Variants in WWOX observed in about 807,000 individuals in gnomAD.
WWOX encodes WW domain containing oxidoreductase, also known as WW domain-containing oxidoreductase.
A neutral mutation model predicts 46.2 loss-of-function variants in WWOX; 69 were observed. The observed-to-expected ratio is 1.49, with a 90% CI of 1.23 to 1.82. WWOX has a LOEUF of 1.82. Among genes scored for constraint, WWOX ranks in the 40% most tolerant of loss-of-function variants. WWOX has a pLI of 0.00. For missense variants in WWOX, 919 were observed against 542.6 expected (o/e 1.69, Z -6.89); for synonymous variants, 359 against 202.6 (o/e 1.77, Z -6.56).
At chr16:78,396,072 C>T (rs1381993808) in intron 6 of WWOX, among the ~76,000 whole-genome samples, 2 of 152,096 alleles carry the variant, frequency 1.3e-5, no homozygotes, top group Non-Finnish European at 2.9e-5. Flanking sequence ...TTTTTTTGCC[C>T]TCACCTCATC....
At chr16:78,621,592 C>CT (rs34182797) in intron 8 of WWOX, among the ~76,000 whole-genome samples, 914 of 31,484 alleles carry the variant, frequency 0.029, 286 homozygotes, top group African/African-American at 0.054. Flanking sequence ...TTGTTCTAAT[C>CT]TTTTTTTTTT....
intron 6 of WWOX, among the ~76,000 whole-genome samples, chr16:78,411,265 A>G (rs1221976786): frequency 6.6e-6 from 1 of 152,196 alleles, no homozygotes; most frequent in Non-Finnish European, 1.5e-5. Flanking sequence ...GATCCATGTT[A>G]TTCTATCCAT....
intron 8 of WWOX, among the ~76,000 whole-genome samples, chr16:78,629,588 A>G (rs972566429): frequency 2.6e-5 from 4 of 152,094 alleles, no homozygotes; most frequent in East Asian, 1.9e-4. Context: ...ACCCCTGCCA[A>G]CCTCTGCAGC....
intron 5 of WWOX, among the ~76,000 whole-genome samples, chr16:78,256,388 C>A (rs1039156483): frequency 1.2e-4 from 18 of 151,958 alleles, no homozygotes; most frequent in Admixed American, 1.0e-3. Flanking sequence ...CTCTCTGACC[C>A]TACCTTCCAG....
intron 8 of WWOX, among the ~76,000 whole-genome samples, chr16:78,850,058 G>A (rs977784355): frequency 1.3e-5 from 2 of 151,508 alleles, no homozygotes; most frequent in African/African-American, 4.9e-5. Flanking sequence ...GGCAACAAGA[G>A]CGAAATTCCT....
At chr16:78,228,096 T>G (rs2037128029) in intron 5 of WWOX, among the ~76,000 whole-genome samples, 1 of 152,084 alleles carries the variant, frequency 6.6e-6, no homozygotes, top group Non-Finnish European at 1.5e-5. Context: ...GTTGGCTTTG[T>G]CACAAATGCC....
chr16:78,387,345 C>T (rs1224819611), intron 6 of WWOX, among the ~76,000 whole-genome samples: 1 of 152,160 alleles, frequency 6.6e-6, no homozygotes, highest in Admixed American at 6.5e-5. Flanking sequence ...GGGAGGTTGA[C>T]AATCCAAGCA....
At chr16:79,050,182 T>C (rs867437328) in intron 8 of WWOX, among the ~76,000 whole-genome samples, 1 of 152,206 alleles carries the variant, frequency 6.6e-6, no homozygotes, top group South Asian at 2.1e-4. Flanking sequence ...TCAGCAGAAC[T>C]AGGCTGGGCT....
At chr16:78,378,743 G>A (rs1344308820) in intron 5 of WWOX, among the ~76,000 whole-genome samples, 1 of 152,148 alleles carries the variant, frequency 6.6e-6, no homozygotes, top group African/African-American at 2.4e-5. Context: ...AGGCCCATTG[G>A]ATTAGAATTT....
At chr16:78,352,310 AC>A (rs1287364472) in intron 5 of WWOX, among the ~76,000 whole-genome samples, 3 of 152,220 alleles carry the variant, frequency 2.0e-5, no homozygotes, top group Non-Finnish European at 2.9e-5. Context: ...TTAGAACCAC[AC>A]AAAAGTTACA....
intron 8 of WWOX, among the ~76,000 whole-genome samples, chr16:78,645,180 A>G (rs1420951277): frequency 1.3e-5 from 2 of 152,066 alleles, no homozygotes; most frequent in Admixed American, 6.6e-5. Context: ...GGTTTTTTCC[A>G]TGTACTGGTT....
rs1020226688 is a variant in WWOX at position 78,863,437 on chromosome 16, T to G, written c.1057-348171T>G. Reference sequence around the variant, plus strand: ...TCTGAAATAATATGCAGCATTATATTCCATTTGTACCTGGGAAGAGGGTAC... The same window carrying G: ...TCTGAAATAATATGCAGCATTATATGCCATTTGTACCTGGGAAGAGGGTAC... On this transcript the variant is annotated intron_variant, in intron 8 of 8. Transcript: ENST00000566780. Among the ~76,000 whole-genome samples, 7 of 152,200 alleles carry G rather than the reference T, an allele frequency of 4.6e-5. No homozygotes were observed. In the East Asian group the frequency reaches 1.2e-3, roughly 25 times the overall value.
At chr16:78,806,819 A>G (rs1184183523) in intron 8 of WWOX, among the ~76,000 whole-genome samples, 1 of 152,192 alleles carries the variant, frequency 6.6e-6, no homozygotes, top group Non-Finnish European at 1.5e-5. Flanking sequence ...GTGGGACTGG[A>G]CATACTGCCA....
chr16:78,465,176 A>G (rs2084045256), intron 8 of WWOX, among the ~76,000 whole-genome samples: 1 of 152,224 alleles, frequency 6.6e-6, no homozygotes, highest in Admixed American at 6.5e-5. Context: ...ACTACAGTTC[A>G]AGATGAGATT....
chr16:78,426,304 C>T (rs1250048191), intron 7 of WWOX, among the ~76,000 whole-genome samples: 2 of 152,092 alleles, frequency 1.3e-5, no homozygotes, highest in South Asian at 2.1e-4. Context: ...TCTGCCAGCC[C>T]CAGTCATCCA....
At chr16:79,095,285 G>A (rs1321362784) in intron 8 of WWOX, among the ~76,000 whole-genome samples, 1 of 152,224 alleles carries the variant, frequency 6.6e-6, no homozygotes, top group Non-Finnish European at 1.5e-5. Flanking sequence ...AATGGACCCT[G>A]CATTTATAGC....
intron 8 of WWOX, among the ~76,000 whole-genome samples, chr16:78,797,824 C>A (rs1003374115): frequency 6.6e-6 from 1 of 152,104 alleles, no homozygotes; most frequent in African/African-American, 2.4e-5. Context: ...TCTGTCTCTA[C>A]AAAAAATACA....
intron 8 of WWOX, among the ~76,000 whole-genome samples, chr16:78,516,938 C>G (rs1353852992): frequency 6.6e-6 from 1 of 152,102 alleles, no homozygotes; most frequent in East Asian, 1.9e-4. Flanking sequence ...CATGTCTGTA[C>G]CTTTTTGGAG....
chr16:79,007,748 G>C (rs1047579811), intron 8 of WWOX, among the ~76,000 whole-genome samples: 6 of 152,210 alleles, frequency 3.9e-5, no homozygotes, highest in African/African-American at 1.4e-4. Context: ...ACCAGGATGT[G>C]AATGGAGAGC....
Sources: gnomAD v4.1 joint callset for allele counts (sites outside exome capture counted in the v4.1 genomes callset) on GRCh38, gnomAD v4.1.1 for gene constraint, MANE v1.5 for transcripts, NCBI Gene and HGNC (gene_info 2026-07-23, HGNC 2026-07-21) for gene names.